The following GATAD2A variants were observed in gnomAD, a reference collection of about 807,000 sequenced individuals.
GATAD2A encodes the protein transcriptional repressor p66-alpha.
In GATAD2A, 12 loss-of-function variants were observed where a neutral mutation model predicts 68.5. That is an observed-to-expected ratio of 0.18 (90% CI 0.11 to 0.28). The LOEUF is 0.28. Among genes scored for constraint, GATAD2A ranks in the 10% least tolerant of loss-of-function variants. The probability of loss-of-function intolerance (pLI) is 1.00; values close to 1 mark genes in which losing one functional copy is unlikely to be tolerated. For synonymous variants in GATAD2A, 410 were observed against 375.3 expected (o/e 1.09, Z -1.07); for missense variants, 755 against 868.5 (o/e 0.87, Z 1.64).
At chr19:19,431,155 A>G (rs1176285083) in intron 1 of GATAD2A, among the ~76,000 whole-genome samples, 1 of 151,944 alleles carries the variant, frequency 6.6e-6, no homozygotes, top group East Asian at 1.9e-4. Context: ...TAAAAACAGT[A>G]AAAGCTCTCT....
At chr19:19,484,529 T>TC (rs2059288003) in intron 2 of GATAD2A, among the ~76,000 whole-genome samples, 3 of 145,400 alleles carry the variant, frequency 2.1e-5, no homozygotes, top group African/African-American at 7.8e-5. Flanking sequence ...TTTTTTTTTT[T>TC]TTCTTTTTTT....
intron 1 of GATAD2A, among the ~76,000 whole-genome samples, chr19:19,411,540 A>T (rs1026527473): frequency 6.6e-6 from 1 of 152,158 alleles, no homozygotes; most frequent in Non-Finnish European, 1.5e-5. Flanking sequence ...GGTGAATCTC[A>T]TCCTCCTGGA....
At chr19:19,397,234 A>G (rs1469938062) in intron 1 of GATAD2A, among the ~76,000 whole-genome samples, 2 of 152,000 alleles carry the variant, frequency 1.3e-5, no homozygotes, top group Non-Finnish European at 2.9e-5. Context: ...TCAAAATAGT[A>G]TTTAAATTGA....
At chr19:19,465,716 C>A in intron 2 of GATAD2A, 102 bp downstream of exon 2, 1 of 1,372,632 alleles carries the variant, frequency 7.3e-7, no homozygotes, top group Non-Finnish European at 9.8e-7. Context: ...AACAGCTTGG[C>A]GGGGTTGTGG....
intron 1 of GATAD2A, among the ~76,000 whole-genome samples, chr19:19,411,691 G>A (rs1013852201): frequency 1.3e-5 from 2 of 152,120 alleles, no homozygotes; most frequent in Non-Finnish European, 1.5e-5. Flanking sequence ...TTATGTTGGC[G>A]GAGACAGCAT....
intron 1 of GATAD2A, among the ~76,000 whole-genome samples, chr19:19,447,856 T>C (rs1427190351): frequency 1.3e-5 from 2 of 152,228 alleles, no homozygotes; most frequent in Non-Finnish European, 2.9e-5. Context: ...CCACTTGACA[T>C]TTCCTTCCAG....
At chr19:19,497,914 A>G (rs1239151413) in intron 7 of GATAD2A, among the ~76,000 whole-genome samples, 3 of 152,126 alleles carry the variant, frequency 2.0e-5, no homozygotes, top group African/African-American at 7.2e-5. Context: ...GGGCAAGGGG[A>G]AGAGGTTGGC....
At chr19:19,443,469 T>A (rs1232242609) in intron 1 of GATAD2A, among the ~76,000 whole-genome samples, 1 of 152,154 alleles carries the variant, frequency 6.6e-6, no homozygotes, top group African/African-American at 2.4e-5. Flanking sequence ...GACGGAAGAT[T>A]GTGAAATTAT....
chr19:19,422,590 A>G (rs2052552235), intron 1 of GATAD2A, among the ~76,000 whole-genome samples: 1 of 151,746 alleles, frequency 6.6e-6, no homozygotes, highest in Non-Finnish European at 1.5e-5. Flanking sequence ...TCTGTGAAAC[A>G]CTCTGAGGAG....
chr19:19,485,215 A>C (rs1408058114), intron 2 of GATAD2A, among the ~76,000 whole-genome samples: 1 of 152,174 alleles, frequency 6.6e-6, no homozygotes, highest in Non-Finnish European at 1.5e-5. Context: ...TGAGGGAGGA[A>C]GTGGAGTTAC....
At chr19:19,399,735 C>T (rs902876842) in intron 1 of GATAD2A, among the ~76,000 whole-genome samples, 6 of 152,084 alleles carry the variant, frequency 3.9e-5, no homozygotes, top group African/African-American at 7.2e-5. Flanking sequence ...AAATAAATTA[C>T]GGGCATTTCA....
At chr19:19,496,839 C>G (rs909650957) in intron 7 of GATAD2A, among the ~76,000 whole-genome samples, 1 of 152,172 alleles carries the variant, frequency 6.6e-6, no homozygotes, top group Admixed American at 6.5e-5. Flanking sequence ...ATTACCAGGT[C>G]TGCAGGGGCT....
intron 2 of GATAD2A, among the ~76,000 whole-genome samples, chr19:19,476,231 G>T (rs148614389): frequency 6.6e-6 from 1 of 152,336 alleles, no homozygotes; most frequent in African/African-American, 2.4e-5. Context: ...GGCCTTCTCT[G>T]TCTGAACTCT....
At chr19:19,502,282 C>A in intron 10 of GATAD2A, 49 bp from the exon 11 acceptor site, 3 of 1,397,738 alleles carry the variant, frequency 2.1e-6, no homozygotes, top group Non-Finnish European at 3.0e-6. Context: ...GTCTCGCCTG[C>A]TGCTGTCTTT....
chr19:19,441,218 T>C (rs916707725), intron 1 of GATAD2A, among the ~76,000 whole-genome samples: 2 of 152,006 alleles, frequency 1.3e-5, no homozygotes, highest in Admixed American at 6.6e-5. Context: ...AAAAACAACT[T>C]TCTTAAAATC....
chr19:19,436,342 A>T, intron 1 of GATAD2A: 1 of 482,028 alleles, frequency 2.1e-6, no homozygotes, highest in Non-Finnish European at 4.1e-6. Context: ...AGATGGAGGG[A>T]GGCAGGCCCC....
intron 4 of GATAD2A, among the ~76,000 whole-genome samples, chr19:19,493,719 G>T: frequency 6.6e-6 from 1 of 151,416 alleles, no homozygotes; most frequent in Non-Finnish European, 1.5e-5. Flanking sequence ...TTGAAACCCT[G>T]CCCCCACTGC....
At chr19:19,407,018 C>T (rs1244210326) in intron 1 of GATAD2A, among the ~76,000 whole-genome samples, 1 of 152,180 alleles carries the variant, frequency 6.6e-6, no homozygotes, top group Admixed American at 6.5e-5. Context: ...GTCACTTGAG[C>T]CTTTAATTTT....
chr19:19,407,054 TCA>T (rs1489863299), intron 1 of GATAD2A, among the ~76,000 whole-genome samples: 4 of 152,192 alleles, frequency 2.6e-5, no homozygotes, highest in Non-Finnish European at 5.9e-5. Flanking sequence ...TTTACTTCTT[TCA>T]GTTTTCTTGG....
Sources: allele counts gnomAD v4.1 joint callset (sites outside exome capture counted in the v4.1 genomes callset), GRCh38; gene constraint gnomAD v4.1.1; transcripts MANE v1.5; gene names NCBI Gene and HGNC (gene_info 2026-07-23, HGNC 2026-07-21).